Variants in MACROD2 observed in about 807,000 individuals in gnomAD.
The protein encoded by MACROD2 is ADP-ribose glycohydrolase MACROD2.
In MACROD2, 36 loss-of-function variants were observed where a neutral mutation model predicts 70.4. That is an observed-to-expected ratio of 0.51 (90% CI 0.39 to 0.68). MACROD2 has a LOEUF of 0.68. MACROD2 is among the 30% of genes least tolerant of loss of function. The pLI, the probability that MACROD2 is intolerant of heterozygous loss-of-function variation, is 0.00. For synonymous variants in MACROD2, 172 were observed against 178.8 expected, an observed-to-expected ratio of 0.96 and a Z score of 0.30; for missense variants, 496 against 538.4, an observed-to-expected ratio of 0.92 and a Z score of 0.78.
Position 14,568,434 on chromosome 20 carries a change from C to A in MACROD2, c.301+74926C>A, listed in dbSNP as rs1419464230. ...TAGCATTCCGTTCCTTTGACAGTAC[C>A]TTTTAACATCCTTCTTATTGTTCTA... is the stretch of plus-strand genomic sequence containing the variant. On this transcript the variant is annotated intron_variant, in intron 4 of 17. Coordinates refer to ENST00000684519, the MANE Select transcript of MACROD2 (RefSeq NM_001351661.2). Among the ~76,000 whole-genome samples the A allele has an allele frequency of 8.5e-5, 13 of 152,050 alleles. No homozygotes were observed. In the South Asian group the frequency reaches 2.5e-3, roughly 29 times the overall value.
At chr20:15,993,445 A>G (rs980883417) in intron 15 of MACROD2, among the ~76,000 whole-genome samples, 1 of 152,174 alleles carries the variant, frequency 6.6e-6, no homozygotes, top group Non-Finnish European at 1.5e-5. Flanking sequence ...TCTTCAGCAC[A>G]GTAACATGCT....
chr20:15,508,457 T>A (rs1265323692), intron 8 of MACROD2, among the ~76,000 whole-genome samples: 1 of 152,106 alleles, frequency 6.6e-6, no homozygotes, highest in Non-Finnish European at 1.5e-5. Flanking sequence ...GGGAAATCAA[T>A]ATTTATCTGA....
At chr20:14,941,782 C>CTTTTT (rs11484003) in intron 5 of MACROD2, among the ~76,000 whole-genome samples, 1 of 148,580 alleles carries the variant, frequency 6.7e-6, no homozygotes, top group Non-Finnish European at 1.5e-5. Flanking sequence ...TTCTCTCTCT[C>CTTTTT]TTTTTTTTTT....
chr20:14,404,574 G>A (rs2083673062), intron 3 of MACROD2, among the ~76,000 whole-genome samples: 1 of 149,110 alleles, frequency 6.7e-6, no homozygotes, highest in African/African-American at 2.5e-5. Flanking sequence ...TCCAGCCGGG[G>A]TGACAAAGTG....
intron 3 of MACROD2, among the ~76,000 whole-genome samples, chr20:14,464,042 G>C (rs1487055859): frequency 3.3e-5 from 5 of 151,980 alleles, no homozygotes; most frequent in Non-Finnish European, 7.4e-5. Flanking sequence ...GATGATGCTG[G>C]CCTCATAAAT....
chr20:15,599,155 C>G (rs6135456), intron 8 of MACROD2, among the ~76,000 whole-genome samples: 1 of 151,206 alleles, frequency 6.6e-6, no homozygotes, highest in Non-Finnish European at 1.5e-5. Context: ...CCAAGGCGGG[C>G]GGATCACGAG....
At chr20:15,374,175 A>G (rs1042965117) in intron 6 of MACROD2, among the ~76,000 whole-genome samples, 2 of 152,032 alleles carry the variant, frequency 1.3e-5, no homozygotes, top group Admixed American at 1.3e-4. Flanking sequence ...TTCTATATAT[A>G]TATGCACACA....
chr20:15,794,440 C>T (rs6110789), intron 8 of MACROD2, among the ~76,000 whole-genome samples: 1 of 152,160 alleles, frequency 6.6e-6, no homozygotes, highest in East Asian at 1.9e-4. Flanking sequence ...GGCAGAAAAC[C>T]TGAGCAAACA....
chr20:14,047,313 G>A (rs1210103479), intron 2 of MACROD2, among the ~76,000 whole-genome samples: 2 of 151,984 alleles, frequency 1.3e-5, no homozygotes, highest in Non-Finnish European at 2.9e-5. Context: ...AAATTAGCCG[G>A]GCATGGTGGC....
intron 5 of MACROD2, among the ~76,000 whole-genome samples, chr20:14,749,259 T>C (rs1454996948): frequency 1.3e-5 from 2 of 152,092 alleles, no homozygotes; most frequent in Admixed American, 6.5e-5. Context: ...CCTAGCCTCC[T>C]ACTCCCTTGT....
intron 8 of MACROD2, among the ~76,000 whole-genome samples, chr20:15,527,174 C>A (rs1399002542): frequency 6.6e-6 from 1 of 152,070 alleles, no homozygotes; most frequent in African/African-American, 2.4e-5. Context: ...ATGAAATGAG[C>A]CCACCAGATA....
intron 5 of MACROD2, among the ~76,000 whole-genome samples, chr20:15,097,697 G>A (rs6110516): frequency 0.15 from 22,163 of 152,124 alleles, 2,623 homozygotes; most frequent in African/African-American, 0.32. Flanking sequence ...GCCATGCTTT[G>A]TTGAAAGATC....
intron 5 of MACROD2, among the ~76,000 whole-genome samples, chr20:14,744,844 A>T (rs1425303907): frequency 6.6e-6 from 1 of 152,136 alleles, no homozygotes; most frequent in Non-Finnish European, 1.5e-5. Context: ...GTCATAGACC[A>T]TCAAACCCCA....
intron 5 of MACROD2, among the ~76,000 whole-genome samples, chr20:15,110,678 A>C (rs1037203311): frequency 6.6e-6 from 1 of 152,168 alleles, no homozygotes; most frequent in African/African-American, 2.4e-5. Context: ...AGAAGGAAAT[A>C]TGAGGACATA....
chr20:15,650,125 G>A (rs2049621167), intron 8 of MACROD2, among the ~76,000 whole-genome samples: 1 of 152,216 alleles, frequency 6.6e-6, no homozygotes, highest in Non-Finnish European at 1.5e-5. Context: ...TTTGGATCTG[G>A]GGAAGGACTT....
intron 8 of MACROD2, among the ~76,000 whole-genome samples, chr20:15,676,752 T>C (rs1239679422): frequency 6.6e-6 from 1 of 152,228 alleles, no homozygotes; most frequent in Non-Finnish European, 1.5e-5. Flanking sequence ...TTCAGTATTT[T>C]ACAGCCAATG....
intron 3 of MACROD2, among the ~76,000 whole-genome samples, chr20:14,400,297 C>G (rs1217661809): frequency 1.3e-5 from 2 of 152,092 alleles, no homozygotes; most frequent in African/African-American, 4.8e-5. Context: ...GCTAATTTTC[C>G]CCACTACTGG....
intron 5 of MACROD2, among the ~76,000 whole-genome samples, chr20:14,754,404 T>A (rs1365831533): frequency 6.6e-6 from 1 of 152,192 alleles, no homozygotes; most frequent in Non-Finnish European, 1.5e-5. Flanking sequence ...TGTTATTAAC[T>A]GTGGTGAAAG....
chr20:15,253,479 G>A (rs1192314192), intron 6 of MACROD2, among the ~76,000 whole-genome samples: 2 of 152,188 alleles, frequency 1.3e-5, no homozygotes, highest in African/African-American at 4.8e-5. Flanking sequence ...AAATCTATGT[G>A]CAAAGCTAAC....
Sources: allele counts gnomAD v4.1 joint callset (sites outside exome capture counted in the v4.1 genomes callset), GRCh38; gene constraint gnomAD v4.1.1; transcripts MANE v1.5; gene names NCBI Gene and HGNC (gene_info 2026-07-23, HGNC 2026-07-21).